Variants in CCDC125 observed in about 807,000 individuals in gnomAD.
CCDC125 encodes the protein coiled-coil domain containing 125.
A neutral mutation model predicts 57.4 loss-of-function variants in CCDC125; 43 were observed. That is an observed-to-expected ratio of 0.75 (90% CI 0.59 to 0.97). The LOEUF (loss-of-function observed/expected upper bound fraction) is 0.97. Ranked by LOEUF, CCDC125 falls within the 50% of genes least tolerant of loss-of-function variation. CCDC125 has a pLI of 0.00. For missense variants in CCDC125, 563 were observed against 595.7 expected, an observed-to-expected ratio of 0.95 and a Z score of 0.57; for synonymous variants, 187 against 195.2, an observed-to-expected ratio of 0.96 and a Z score of 0.35.
downstream of CCDC125, among the ~76,000 whole-genome samples, chr5:69,279,010 A>G (rs561755088): frequency 6.6e-6 from 1 of 151,348 alleles, no homozygotes; most frequent in East Asian, 2.0e-4. Context: ...TGGGATTACA[A>G]ATGTGTACCA....
At chr5:69,314,695 G>A (rs1023360435) in intron 2 of CCDC125, among the ~76,000 whole-genome samples, 4 of 151,976 alleles carry the variant, frequency 2.6e-5, no homozygotes, top group South Asian at 2.1e-4. Context: ...TCCCAGTTAC[G>A]TGGGAGACTG....
At chr5:69,319,483 T>A (rs1029074466) in intron 2 of CCDC125, among the ~76,000 whole-genome samples, 5 of 134,262 alleles carry the variant, frequency 3.7e-5, no homozygotes, top group African/African-American at 1.4e-4. Context: ...CATCGACTAC[T>A]TTTTTTTTTT....
Position 69,300,776 on chromosome 5 carries a change from G to A in CCDC125, c.701-649C>T, listed in dbSNP as rs530441758. On this transcript the variant is annotated intron_variant, in intron 7 of 11. Coordinates refer to ENST00000396496, the MANE Select transcript of CCDC125 (RefSeq NM_176816.5). The stretch of plus-strand genomic sequence containing the variant: ...CTGTGTGTGCAGATCTCAGCTGGAG[G>A]CGTTTATACAACTCAGCTAAGACAC... Among the ~76,000 whole-genome samples the A allele has an allele frequency of 2.0e-5, 3 of 151,948 alleles. No individual in the cohort carries two copies. In the East Asian group the frequency reaches 5.8e-4, roughly 30 times the overall value.
At chr5:69,294,106 C>G (rs1734271843) in intron 9 of CCDC125, 1 of 978,016 alleles carries the variant, frequency 1.0e-6, no homozygotes, top group Non-Finnish European at 1.2e-6. Flanking sequence ...CTGTGCCTTG[C>G]TGCTGTTCAA....
intron 10 of CCDC125, among the ~76,000 whole-genome samples, chr5:69,290,635 T>TC (rs1004142073): frequency 3.4e-5 from 5 of 146,218 alleles, no homozygotes; most frequent in African/African-American, 1.0e-4. Flanking sequence ...TTTTCTTTTT[T>TC]TTTTTTTTTT....
chr5:69,299,568 A>G (rs529091760), intron 8 of CCDC125, among the ~76,000 whole-genome samples: 17 of 152,176 alleles, frequency 1.1e-4, no homozygotes, highest in African/African-American at 3.1e-4. Flanking sequence ...TTTACCACAG[A>G]TTGACCTTGC....
At chr5:69,277,695 G>A (rs181384316), downstream of CCDC125, among the ~76,000 whole-genome samples, 10 of 151,920 alleles carry the variant, frequency 6.6e-5, no homozygotes, top group Admixed American at 4.6e-4. Flanking sequence ...GCGAGAACCC[G>A]GGAGGCAGAG....
chr5:69,326,656 A>C (rs1760769137), intron 1 of CCDC125, among the ~76,000 whole-genome samples: 1 of 152,182 alleles, frequency 6.6e-6, no homozygotes, highest in Non-Finnish European at 1.5e-5. Context: ...GCACCACATA[A>C]ATTCAGGCAT....
intron 2 of CCDC125, among the ~76,000 whole-genome samples, chr5:69,316,414 C>T (rs1272531939): frequency 2.6e-5 from 4 of 152,120 alleles, no homozygotes; most frequent in African/African-American, 7.2e-5. Context: ...ACTCAGCCAT[C>T]GTTGGCTTTG....
At chr5:69,289,829 C>G (rs1754102307) in intron 10 of CCDC125, among the ~76,000 whole-genome samples, 1 of 145,664 alleles carries the variant, frequency 6.9e-6, no homozygotes, top group South Asian at 2.1e-4. Flanking sequence ...CACCACTGCA[C>G]TCCAGCCTGG....
intron 11 of CCDC125, among the ~76,000 whole-genome samples, chr5:69,285,083 A>T (rs1420306891): frequency 1.3e-5 from 2 of 151,774 alleles, no homozygotes; most frequent in Non-Finnish European, 2.9e-5. Context: ...GGTGACAGAG[A>T]CTCTGTCTCA....
chr5:69,302,304 C>T (rs1020044802), intron 7 of CCDC125, among the ~76,000 whole-genome samples: 11 of 148,998 alleles, frequency 7.4e-5, no homozygotes, highest in African/African-American at 2.5e-4. Flanking sequence ...CACCTGTAGT[C>T]CCAGCTTCTT....
chr5:69,283,522 TTC>T (rs1579927795), intron 11 of CCDC125, among the ~76,000 whole-genome samples: 1 of 142,552 alleles, frequency 7.0e-6, no homozygotes, highest in Non-Finnish European at 1.5e-5. Flanking sequence ...GCCCGGCCAA[TTC>T]TTTTTTTTTT....
intron 9 of CCDC125, among the ~76,000 whole-genome samples, chr5:69,294,434 A>G (rs779998058): frequency 5.3e-5 from 8 of 152,060 alleles, no homozygotes; most frequent in Non-Finnish European, 1.0e-4. Flanking sequence ...CAGCCTCCCA[A>G]GTAGCTAAGA....
rs145801965 is a variant in CCDC125, at chr5:69,320,786, G to GGT, written c.-40-208_-40-207dup. ...AACAGGTGAAGAAAATATGGTGTGGGGTGTGTGTGTGTGTGTGTGTGTGCG... is the reference window on the plus strand; with the variant it reads ...AACAGGTGAAGAAAATATGGTGTGGGGTGTGTGTGTGTGTGTGTGTGTGTGCG... On this transcript the variant is annotated intron_variant, in intron 1 of 11. Coordinates refer to ENST00000396496, the MANE Select transcript of CCDC125 (RefSeq NM_176816.5). 9.9e-3 allele frequency among the ~76,000 whole-genome samples: 1,467 copies of GGT among 148,248 alleles called. 13 individuals carry two copies. Among genetic ancestry groups the GGT allele is most frequent in the South Asian group, 0.033 (154 of 4,678 alleles).
At chr5:69,308,280 CAT>C in intron 4 of CCDC125, 2 of 492,678 alleles carry the variant, frequency 4.1e-6, no homozygotes, top group South Asian at 2.6e-5. Flanking sequence ...CAGTACTATT[CAT>C]CAGTCAAAAA....
chr5:69,283,730 C>G, intron 11 of CCDC125, among the ~76,000 whole-genome samples: 1 of 148,178 alleles, frequency 6.7e-6, no homozygotes, highest in Non-Finnish European at 1.5e-5. Flanking sequence ...TCAAGTGATC[C>G]ACTCGCCTCG....
chr5:69,323,280 G>C (rs1009613955), intron 1 of CCDC125, among the ~76,000 whole-genome samples: 2 of 151,698 alleles, frequency 1.3e-5, no homozygotes, highest in Admixed American at 6.6e-5. Context: ...CTGCACTCTA[G>C]CCTGGGCGAC....
chr5:69,320,660 T>C (rs1759884188), intron 1 of CCDC125, 80 bp from the exon 2 acceptor site: 1 of 654,900 alleles, frequency 1.5e-6, no homozygotes, highest in Non-Finnish European at 2.7e-6. Flanking sequence ...CCAAAACATT[T>C]GAAATCAGTA....
Sources: gnomAD v4.1 joint callset for allele counts (sites outside exome capture counted in the v4.1 genomes callset) on GRCh38, gnomAD v4.1.1 for gene constraint, MANE v1.5 for transcripts, NCBI Gene and HGNC (gene_info 2026-07-23, HGNC 2026-07-21) for gene names.